Variants in SLC36A1 observed in about 807,000 individuals in gnomAD.
SLC36A1 encodes the protein solute carrier family 36 member 1, also known as proton-coupled amino acid transporter 1.
SLC36A1 carries 30 observed loss-of-function variants against 47.5 expected under a neutral mutation model. That is an observed-to-expected ratio of 0.63 (90% CI 0.47 to 0.86). The LOEUF (loss-of-function observed/expected upper bound fraction) is 0.86. SLC36A1 is among the 40% of genes least tolerant of loss of function. SLC36A1 has a pLI of 0.00. For missense variants in SLC36A1, 517 were observed against 606.0 expected, an observed-to-expected ratio of 0.85 and a Z score of 1.54; for synonymous variants, 255 against 249.7, an observed-to-expected ratio of 1.02 and a Z score of -0.20.
At chr5:151,545,622 A>G in the SLC36A1 span, 3 of 1,614,142 alleles carry the variant, frequency 1.9e-6, no homozygotes, top group Non-Finnish European at 2.5e-6. Flanking sequence ...AGAATTGGAA[A>G]GAGGGCATGC....
chr5:151,542,876 C>T, the SLC36A1 span: 2 of 1,614,186 alleles, frequency 1.2e-6, no homozygotes, highest in Non-Finnish European at 8.5e-7. Flanking sequence ...GGCTTCCTCA[C>T]CTTTATGACC....
intron 6 of SLC36A1, 34 bp from the exon 7 acceptor site, chr5:151,467,673 G>T (rs778877521): frequency 1.7e-5 from 26 of 1,562,060 alleles, no homozygotes; most frequent in Non-Finnish European, 1.7e-5. Context: ...TTGTTTGAGA[G>T]GTGTTTCCGT....
Position 151,490,662 on chromosome 5 carries a change from G to T in SLC36A1, c.*2408G>T, listed in dbSNP as rs138088871. The T allele has an allele frequency of 1.3e-5, 2 of 152,374 alleles. No homozygotes were observed. Among genetic ancestry groups the T allele is most frequent in the Non-Finnish European group, 2.9e-5 (2 of 68,076 alleles). The allele number at this position is 152,374 out of a possible 1,614,324, so 9.4% of individuals were successfully genotyped here. On this transcript the variant is annotated 3_prime_UTR_variant, in exon 11 of 11. Coordinates refer to ENST00000243389, the MANE Select transcript of SLC36A1 (RefSeq NM_078483.4). ...GATTTCTGGAAGCCAATTTGGCATG[G>T]CCTATTTGATCTCTGGCTTGTGCTC...
chr5:151,485,587 T>C (rs1259786033), intron 10 of SLC36A1, among the ~76,000 whole-genome samples: 1 of 152,206 alleles, frequency 6.6e-6, no homozygotes, highest in East Asian at 1.9e-4. Flanking sequence ...ATCAGGTCTG[T>C]GAGGTTATGG....
At chr5:151,428,754 T>C in the SLC36A1 span, among the ~76,000 whole-genome samples, 1 of 152,104 alleles carries the variant, frequency 6.6e-6, no homozygotes, top group African/African-American at 2.4e-5. Flanking sequence ...TGCCTCAACC[T>C]CCTGAGTAGC....
At chr5:151,350,286 T>C in the SLC36A1 span, among the ~76,000 whole-genome samples, 1 of 152,156 alleles carries the variant, frequency 6.6e-6, no homozygotes, top group African/African-American at 2.4e-5. Context: ...TTACATGAGG[T>C]AGGCACTATG....
chr5:151,505,983 G>A, the SLC36A1 span: 1 of 1,572,220 alleles, frequency 6.4e-7, no homozygotes, highest in Non-Finnish European at 8.6e-7. Context: ...GACTGGGGTT[G>A]AGTGGCGGTG....
the SLC36A1 span, among the ~76,000 whole-genome samples, chr5:151,348,943 T>G: frequency 1.6e-4 from 24 of 152,354 alleles, no homozygotes; most frequent in African/African-American, 5.8e-4. Context: ...CCCTGCCAGC[T>G]TCTTGTCCTG....
At chr5:151,428,610 G>A in the SLC36A1 span, among the ~76,000 whole-genome samples, 1 of 152,140 alleles carries the variant, frequency 6.6e-6, no homozygotes, top group Non-Finnish European at 1.5e-5. Flanking sequence ...CTGGAGACAA[G>A]TGATAAAGAG....
At chr5:151,421,963 C>T in the SLC36A1 span, among the ~76,000 whole-genome samples, 3 of 152,184 alleles carry the variant, frequency 2.0e-5, no homozygotes, top group Admixed American at 1.3e-4. Flanking sequence ...AAGGACACCA[C>T]TTTTGTGATG....
At chr5:151,356,339 C>CAAAAAAAAAAA in the SLC36A1 span, among the ~76,000 whole-genome samples, 400 of 51,266 alleles carry the variant, frequency 7.8e-3, 25 homozygotes, top group African/African-American at 0.012. Flanking sequence ...CTCTGTCTCA[C>CAAAAAAAAAAA]AAAAAAAAAA....
the SLC36A1 span, chr5:151,553,407 A>G: frequency 8.7e-6 from 14 of 1,611,318 alleles, no homozygotes; most frequent in Non-Finnish European, 1.2e-5. Context: ...GGCCAACACC[A>G]AAACTGAGGT....
At chr5:151,519,409 G>T in the SLC36A1 span, among the ~76,000 whole-genome samples, 1 of 152,128 alleles carries the variant, frequency 6.6e-6, no homozygotes, top group Admixed American at 6.5e-5. Context: ...ATTGTAGTAG[G>T]TACTTATTGG....
At chr5:151,373,741 T>TA in the SLC36A1 span, among the ~76,000 whole-genome samples, 1 of 152,154 alleles carries the variant, frequency 6.6e-6, no homozygotes, top group South Asian at 2.1e-4. Flanking sequence ...TTTTAACTTT[T>TA]AAAAAAATTG....
At chr5:151,421,117 C>T in the SLC36A1 span, among the ~76,000 whole-genome samples, 3 of 151,692 alleles carry the variant, frequency 2.0e-5, no homozygotes, top group South Asian at 4.2e-4. Flanking sequence ...TCGTGATCCA[C>T]CCGCCTCGGC....
At chr5:151,384,982 G>GTA in the SLC36A1 span, among the ~76,000 whole-genome samples, 117 of 133,798 alleles carry the variant, frequency 8.7e-4, no homozygotes, top group Non-Finnish European at 1.1e-3. Context: ...ATGTGTGTGT[G>GTA]TGTGGGTGTG....
chr5:151,469,218 T>C, intron 7 of SLC36A1: 1 of 699,450 alleles, frequency 1.4e-6, no homozygotes, highest in Non-Finnish European at 2.6e-6. Flanking sequence ...AGGGACCCGC[T>C]GTATGTGATT....
the SLC36A1 span, chr5:151,531,941 G>T: frequency 1.2e-6 from 2 of 1,614,110 alleles, no homozygotes; most frequent in African/African-American, 2.7e-5. This position sits in a 1 kb window ranked among gnomAD's most constrained non-coding sequence, Gnocchi z 5.7. Flanking sequence ...GCTGAATCCG[G>T]CAGAGAGTAA....
At chr5:151,521,915 G>A in the SLC36A1 span, 1 of 1,613,902 alleles carries the variant, frequency 6.2e-7, no homozygotes, top group East Asian at 2.2e-5. Context: ...GTGTCCTGGG[G>A]GTCTCGGTCT....
Sources: allele counts gnomAD v4.1 joint callset (sites outside exome capture counted in the v4.1 genomes callset), GRCh38; gene constraint gnomAD v4.1.1; non-coding constraint Gnocchi (gnomAD v3.1); transcripts MANE v1.5; gene names NCBI Gene and HGNC (gene_info 2026-07-23, HGNC 2026-07-21).